Variants in PHYHD1 observed in about 807,000 individuals in gnomAD.
The protein encoded by PHYHD1 is phytanoyl-CoA dioxygenase domain containing 1.
Under a neutral mutation model 43.6 loss-of-function variants are expected in PHYHD1, and 42 were observed. That is an observed-to-expected ratio of 0.96 (90% CI 0.75 to 1.25). The LOEUF (loss-of-function observed/expected upper bound fraction) is 1.25. Among genes scored for constraint, PHYHD1 ranks in the 50% most tolerant of loss-of-function variants. The pLI, the probability that PHYHD1 is intolerant of heterozygous loss-of-function variation, is 0.00. For synonymous variants in PHYHD1, 139 were observed against 143.6 expected (o/e 0.97, Z 0.23); for missense variants, 342 against 370.8 (o/e 0.92, Z 0.64).
intron 9 of PHYHD1, among the ~76,000 whole-genome samples, chr9:128,939,661 A>ATTTTTTTTTTTT (rs533393185): frequency 6.2e-5 from 7 of 113,516 alleles, no homozygotes; most frequent in African/African-American, 1.8e-4. Flanking sequence ...CAACTTCCCA[A>ATTTTTTTTTTTT]TTTTTTTTTT....
intron 4 of PHYHD1, among the ~76,000 whole-genome samples, chr9:128,931,144 T>C (rs1184115321): frequency 6.6e-6 from 1 of 151,962 alleles, no homozygotes; most frequent in Non-Finnish European, 1.5e-5. Context: ...ATATTTTCGC[T>C]CCTGTCATGC....
chr9:128,930,448 A>T (rs546039996), intron 4 of PHYHD1, among the ~76,000 whole-genome samples: 3,515 of 141,462 alleles, frequency 0.025, 57 homozygotes, highest in Non-Finnish European at 0.024. Context: ...CTGTCTTTTT[A>T]AAAAAAAAAA....
At chr9:128,926,406 C>T (rs954002595) in intron 3 of PHYHD1, among the ~76,000 whole-genome samples, 2 of 151,508 alleles carry the variant, frequency 1.3e-5, no homozygotes, top group African/African-American at 2.4e-5. Context: ...CATGCGCCAC[C>T]ACACCTGGCC....
In PHYHD1 at chr9:128,921,957, C is replaced by T. The variant is rs576917001; in HGVS notation, c.-132C>T. ...TGAGGCCTAGAGAGAGGCAGGCGTT[C>T]CTCAGAGTCACAGGGAATGGCGGCG... On this transcript the variant is annotated 5_prime_UTR_variant, in exon 2 of 13. Transcript: ENST00000372592. 232 of 290,780 alleles carry T rather than the reference C, an allele frequency of 8.0e-4. No individual in the cohort carries two copies. Among genetic ancestry groups the T allele is most frequent in the African/African-American group, 4.9e-3 (223 of 45,322 alleles). 18.0% of individuals were successfully genotyped at this position (290,780 alleles called of 1,614,324 possible). A position where few individuals can be genotyped will look rare whatever the true frequency, so the allele number is the denominator to read the frequency against.
intron 4 of PHYHD1, among the ~76,000 whole-genome samples, chr9:128,933,504 G>T (rs755512645): frequency 3.3e-5 from 5 of 152,078 alleles, no homozygotes; most frequent in African/African-American, 4.8e-5. Flanking sequence ...GGGGCCCAAG[G>T]CTGCTAGGGA....
rs773502323 is a variant in PHYHD1, at chr9:128,927,176, G to A, written c.172G>A (p.Glu58Lys). ...CCGCACAGAATTCTCCACCCAGGAAGAGGAGCAGCTTCGAGCCCAGGTAGG... is the reference window on the plus strand; with the variant it reads ...CCGCACAGAATTCTCCACCCAGGAAAAGGAGCAGCTTCGAGCCCAGGTAGG... ...HCRTEFSTQE[E>K]EQLRAQGSTD... Residue 58 changes from glutamate (E) to lysine (K), a missense_variant, in exon 4 of 13, where the codon GAG (glutamate) becomes AAG (lysine). Physicochemically the swap from Glu to Lys is moderately conservative, Grantham distance 56 (BLOSUM62 1). Coordinates refer to ENST00000372592, the MANE Select transcript of PHYHD1 (RefSeq NM_001100876.2). 1.9e-6 allele frequency: 3 copies of A among 1,614,096 alleles called. No individual in the cohort carries two copies. The highest frequency in any genetic ancestry group is 2.2e-5 in the South Asian group (2 of 91,084).
intron 3 of PHYHD1, among the ~76,000 whole-genome samples, chr9:128,926,277 C>T (rs1195862954): frequency 6.6e-6 from 1 of 152,184 alleles, no homozygotes; most frequent in Non-Finnish European, 1.5e-5. Context: ...GTTGCCCAGG[C>T]TGGAATGCAA....
At chr9:128,928,002 G>A (rs1411201845) in intron 4 of PHYHD1, among the ~76,000 whole-genome samples, 1 of 152,176 alleles carries the variant, frequency 6.6e-6, no homozygotes, top group Non-Finnish European at 1.5e-5. Flanking sequence ...AAGACTCTGG[G>A]GTCTCCCACA....
chr9:128,939,779 C>CA (rs929151675), intron 9 of PHYHD1, among the ~76,000 whole-genome samples: 5 of 120,340 alleles, frequency 4.2e-5, no homozygotes, highest in Non-Finnish European at 9.6e-5. Context: ...CTCAGCCTCC[C>CA]AAGTAGCTGG....
chr9:128,927,166 C>T lies in PHYHD1; in HGVS notation c.162C>T (p.Ser54=), dbSNP rs1841158340. The change falls in exon 4 of 13, where the codon TCC becomes TCT. Residue 54 remains serine (S), a synonymous_variant. Transcript: ENST00000372592. ...DVPLHCRTEF[S]TQEEEQLRAQ... ...CTCTCCACTGCCGCACAGAATTCTC[C>T]ACCCAGGAAGAGGAGCAGCTTCGAG... The T allele has an allele frequency of 6.2e-7, 1 of 1,614,114 alleles. No individual in the cohort carries two copies.
At chr9:128,941,126 C>T (rs534732673) in intron 11 of PHYHD1, among the ~76,000 whole-genome samples, 3 of 152,304 alleles carry the variant, frequency 2.0e-5, no homozygotes, top group African/African-American at 4.8e-5. Flanking sequence ...TCAGCATCAC[C>T]GGAGAGGTCC....
Position 128,939,814 on chromosome 9 carries a change from A to G in PHYHD1, c.458-555A>G, listed in dbSNP as rs1459430696. Reference sequence around the variant, plus strand: ...GGATTACAGGCGCCTGCCACCACACATGGCTAATTTTTGTGTTTTTAGTAG... The same window carrying G: ...GGATTACAGGCGCCTGCCACCACACGTGGCTAATTTTTGTGTTTTTAGTAG... On this transcript the variant is annotated intron_variant, in intron 9 of 12. Transcript: ENST00000372592. 6.9e-5 allele frequency among the ~76,000 whole-genome samples: 7 copies of G among 100,900 alleles called. 1 individual carries two copies. The East Asian group carries it at 1.5e-3, about 22-fold the overall frequency. The allele number at this position is 100,900 out of a possible 152,430, so 66.2% of individuals were successfully genotyped here.
At chr9:128,929,423 A>G (rs1841216613) in intron 4 of PHYHD1, among the ~76,000 whole-genome samples, 1 of 152,178 alleles carries the variant, frequency 6.6e-6, no homozygotes, top group Non-Finnish European at 1.5e-5. Flanking sequence ...CTGTAATCCC[A>G]GCACTTTGGG....
intron 4 of PHYHD1, among the ~76,000 whole-genome samples, chr9:128,929,186 C>T (rs562770139): frequency 6.6e-6 from 1 of 152,026 alleles, no homozygotes; most frequent in Non-Finnish European, 1.5e-5. Context: ...TTTAAATTAG[C>T]TGGGCATGGT....
intron 9 of PHYHD1, among the ~76,000 whole-genome samples, chr9:128,939,167 C>T (rs1213845909): frequency 7.6e-6 from 1 of 131,620 alleles, no homozygotes; most frequent in Non-Finnish European, 1.8e-5. Flanking sequence ...CACGCAGTTG[C>T]CCGGGAAGGA....
intron 10 of PHYHD1, 45 bp downstream of exon 10, chr9:128,940,542 C>G (rs765551083): frequency 2.5e-6 from 4 of 1,613,798 alleles, no homozygotes; most frequent in Admixed American, 3.3e-5. Flanking sequence ...TCCCCACCCC[C>G]TAGGGAGAGG....
intron 4 of PHYHD1, among the ~76,000 whole-genome samples, chr9:128,928,572 G>A (rs959979058): frequency 8.6e-5 from 13 of 152,038 alleles, no homozygotes; most frequent in African/African-American, 3.1e-4. Context: ...GCCAGGTGAT[G>A]CATACCTGTA....
intron 4 of PHYHD1, among the ~76,000 whole-genome samples, chr9:128,929,836 T>G (rs1841226177): frequency 6.6e-6 from 1 of 151,962 alleles, no homozygotes; most frequent in Non-Finnish European, 1.5e-5. Context: ...CCTTTAATAT[T>G]TTTACCATCC....
intron 6 of PHYHD1, among the ~76,000 whole-genome samples, chr9:128,934,909 G>T (rs1250748799): frequency 2.0e-5 from 3 of 152,100 alleles, no homozygotes; most frequent in African/African-American, 7.2e-5. Context: ...TGGGGATAGG[G>T]GGTCCACCTG....
Sources: gnomAD v4.1 joint callset for allele counts (sites outside exome capture counted in the v4.1 genomes callset) on GRCh38, gnomAD v4.1.1 for gene constraint, MANE v1.5 for transcripts, NCBI Gene and HGNC (gene_info 2026-07-23, HGNC 2026-07-21) for gene names.